The following NLGN1 variants were observed in gnomAD, a reference collection of about 807,000 sequenced individuals.
NLGN1 encodes neuroligin-1.
Under a neutral mutation model 65.5 loss-of-function variants are expected in NLGN1, and 12 were observed. That is an observed-to-expected ratio of 0.18 (90% CI 0.12 to 0.30). NLGN1 has a LOEUF of 0.30. NLGN1 is among the 10% of genes least tolerant of loss of function. The pLI, the probability that NLGN1 is intolerant of heterozygous loss-of-function variation, is 1.00. For synonymous variants in NLGN1, 350 were observed against 359.5 expected (o/e 0.97, Z 0.30); for missense variants, 750 against 1,007.1 (o/e 0.74, Z 3.46).
intron 2 of NLGN1, among the ~76,000 whole-genome samples, chr3:173,490,986 G>C (rs1051421598): frequency 1.3e-5 from 2 of 151,916 alleles, no homozygotes; most frequent in African/African-American, 4.9e-5. Context: ...AGCTTAAGGA[G>C]ATTTTGGGCT....
At chr3:174,015,054 A>G (rs1238493466) in intron 4 of NLGN1, among the ~76,000 whole-genome samples, 2 of 152,162 alleles carry the variant, frequency 1.3e-5, no homozygotes, top group Non-Finnish European at 2.9e-5. Flanking sequence ...AGAAAAGCAT[A>G]GTCTTATTTA....
Position 173,777,631 on chromosome 3 carries a change from GTCTATCTATCTATCTATCTA to G in NLGN1, c.494-30022_494-30003del, listed in dbSNP as rs747269015. On this transcript the variant is annotated intron_variant, in intron 3 of 6. Transcript: ENST00000457714. The stretch of plus-strand genomic sequence containing the variant: ...ATTCTGTCTGTCTGTCTGTCTGTCT[GTCTATCTATCTATCTATCTA>G]TCTATCTATCTATCTATCTATCTAT... Among the ~76,000 whole-genome samples the G allele has an allele frequency of 1.9e-4, 7 of 35,968 alleles. No individual in the cohort carries two copies. The South Asian group carries it at 2.1e-3, about 11-fold the overall frequency. 23.6% of individuals were successfully genotyped at this position (35,968 alleles called of 152,430 possible). A position where few individuals can be genotyped will look rare whatever the true frequency, so the allele number is the denominator to read the frequency against.
intron 4 of NLGN1, among the ~76,000 whole-genome samples, chr3:174,007,082 A>G (rs993824462): frequency 6.6e-6 from 1 of 152,064 alleles, no homozygotes; most frequent in African/African-American, 2.4e-5. Context: ...ATAAAAAAAT[A>G]AAAAGACAAG....
At chr3:173,527,054 C>T (rs947489952) in intron 2 of NLGN1, among the ~76,000 whole-genome samples, 9 of 152,200 alleles carry the variant, frequency 5.9e-5, no homozygotes, top group Non-Finnish European at 1.3e-4. Context: ...CTGCAATAAA[C>T]ATGGGAATGC....
At chr3:174,236,136 A>G (rs1298650877) in intron 4 of NLGN1, among the ~76,000 whole-genome samples, 2 of 152,124 alleles carry the variant, frequency 1.3e-5, no homozygotes, top group East Asian at 3.9e-4. Context: ...TTTGGAATCT[A>G]TAAAGATTTG....
downstream of NLGN1, among the ~76,000 whole-genome samples, chr3:174,288,540 G>T (rs1420824421): frequency 2.0e-5 from 3 of 150,924 alleles, no homozygotes; most frequent in African/African-American, 4.9e-5. Flanking sequence ...CGCCTGAATT[G>T]ATCTCAAATA....
intron 2 of NLGN1, among the ~76,000 whole-genome samples, chr3:173,501,120 A>T (rs2149057549): frequency 6.6e-6 from 1 of 152,174 alleles, no homozygotes; most frequent in Non-Finnish European, 1.5e-5. Flanking sequence ...TTTTTAGTTT[A>T]TTTTAAGTTC....
intron 4 of NLGN1, among the ~76,000 whole-genome samples, chr3:174,013,526 G>A (rs1388747934): frequency 3.9e-5 from 6 of 152,182 alleles, no homozygotes; most frequent in Non-Finnish European, 1.5e-5. Context: ...AATACAATGG[G>A]TCAACTTCAG....
intron 4 of NLGN1, among the ~76,000 whole-genome samples, chr3:173,829,838 T>G (rs2150584633): frequency 6.6e-6 from 1 of 152,258 alleles, no homozygotes; most frequent in South Asian, 2.1e-4. Flanking sequence ...TCAGCCCATC[T>G]TAATATGTGG....
chr3:174,086,550 A>G (rs1265723878), intron 4 of NLGN1, among the ~76,000 whole-genome samples: 2 of 151,642 alleles, frequency 1.3e-5, no homozygotes, highest in African/African-American at 4.8e-5. Flanking sequence ...AGAAAAGAAT[A>G]CGAGTTTTAT....
At chr3:173,555,424 A>G (rs1741549570) in intron 2 of NLGN1, among the ~76,000 whole-genome samples, 1 of 152,166 alleles carries the variant, frequency 6.6e-6, no homozygotes, top group Non-Finnish European at 1.5e-5. Context: ...GAGAATTATT[A>G]GTTCACATTT....
intron 2 of NLGN1, among the ~76,000 whole-genome samples, chr3:173,522,962 A>G (rs1371706657): frequency 6.9e-6 from 1 of 145,664 alleles, no homozygotes; most frequent in East Asian, 1.9e-4. Flanking sequence ...AGTAATAGCC[A>G]TTCTTATTGG....
At chr3:173,603,264 A>T (rs1181899556) in intron 2 of NLGN1, among the ~76,000 whole-genome samples, 3 of 152,182 alleles carry the variant, frequency 2.0e-5, no homozygotes, top group African/African-American at 7.2e-5. Flanking sequence ...GTGTTATTTG[A>T]CAGTTAACAT....
chr3:174,256,744 A>T (rs1371128374), intron 4 of NLGN1, among the ~76,000 whole-genome samples: 4 of 151,960 alleles, frequency 2.6e-5, no homozygotes, highest in African/African-American at 9.7e-5. Flanking sequence ...AATAATTTTC[A>T]TATGCAAAAG....
chr3:173,967,924 T>A (rs1432714399), intron 4 of NLGN1, among the ~76,000 whole-genome samples: 1 of 152,168 alleles, frequency 6.6e-6, no homozygotes, highest in Non-Finnish European at 1.5e-5. Flanking sequence ...TTAGAACATA[T>A]TCAAGTTTAA....
At chr3:174,052,310 A>G (rs1249217314) in intron 4 of NLGN1, among the ~76,000 whole-genome samples, 1 of 151,988 alleles carries the variant, frequency 6.6e-6, no homozygotes, top group African/African-American at 2.4e-5. Context: ...TTTTGATAGC[A>G]TGTTCTACTT....
intron 3 of NLGN1, among the ~76,000 whole-genome samples, chr3:173,654,150 G>A (rs1759624638): frequency 6.6e-6 from 1 of 152,066 alleles, no homozygotes; most frequent in Admixed American, 6.6e-5. Context: ...TTATAAGCCA[G>A]AAAAATTATC....
At chr3:174,155,824 G>A (rs904460592) in intron 4 of NLGN1, among the ~76,000 whole-genome samples, 2 of 151,838 alleles carry the variant, frequency 1.3e-5, no homozygotes, top group African/African-American at 4.8e-5. Flanking sequence ...AAAATAAAAG[G>A]CTTGTGGTGT....
intron 2 of NLGN1, among the ~76,000 whole-genome samples, chr3:173,595,470 A>G (rs1019383626): frequency 6.6e-6 from 1 of 152,144 alleles, no homozygotes; most frequent in African/African-American, 2.4e-5. Flanking sequence ...CATTATCAGT[A>G]TATTTGTCAA....
Sources: allele counts gnomAD v4.1 joint callset (sites outside exome capture counted in the v4.1 genomes callset), GRCh38; gene constraint gnomAD v4.1.1; transcripts MANE v1.5; gene names NCBI Gene and HGNC (gene_info 2026-07-23, HGNC 2026-07-21).